Variants in UNC80 observed in about 807,000 individuals in gnomAD.
UNC80 encodes the protein unc-80 subunit of NALCN channel complex, also known as protein unc-80 homolog.
In UNC80, 164 loss-of-function variants were observed where a neutral mutation model predicts 384.6. The observed-to-expected ratio is 0.43, with a 90% CI of 0.38 to 0.49. The LOEUF (loss-of-function observed/expected upper bound fraction) is 0.49. UNC80 is among the 20% of genes least tolerant of loss of function. The pLI, the probability that UNC80 is intolerant of heterozygous loss-of-function variation, is 0.00. For synonymous variants in UNC80, 1,486 were observed against 1,527.8 expected, an observed-to-expected ratio of 0.97 and a Z score of 0.64; for missense variants, 3,330 against 4,143.0, an observed-to-expected ratio of 0.80 and a Z score of 5.39.
intron 7 of UNC80, chr2:209,809,678 A>G: frequency 3.7e-6 from 2 of 537,614 alleles, no homozygotes; most frequent in East Asian, 3.2e-5. Flanking sequence ...CCATGTCCTC[A>G]TGCCACAGAA....
chr2:209,945,805 A>G (rs10193560), intron 46 of UNC80, 42 bp from the exon 47 acceptor site: 55,426 of 1,400,574 alleles, frequency 0.04, 4,363 homozygotes, highest in African/African-American at 0.3. Context: ...ATCTCCTGCA[A>G]AATCCACTCT....
chr2:209,988,436 T>C (rs1362900948), intron 61 of UNC80, among the ~76,000 whole-genome samples: 1 of 152,220 alleles, frequency 6.6e-6, no homozygotes, highest in Non-Finnish European at 1.5e-5. Flanking sequence ...AAATGAGCGA[T>C]ATGAATTTTT....
At chr2:209,795,410 GA>G (rs1559103186) in intron 7 of UNC80, 1 of 152,242 alleles carries the variant, frequency 6.6e-6, no homozygotes, top group Non-Finnish European at 1.5e-5. Context: ...CAACAGAAAA[GA>G]AAAACCAATT....
chr2:209,891,639 G>T (rs1371584426), intron 26 of UNC80, among the ~76,000 whole-genome samples: 2 of 152,016 alleles, frequency 1.3e-5, no homozygotes, highest in African/African-American at 2.4e-5. Context: ...ACACTCAAAT[G>T]CTGAATATTT....
intron 37 of UNC80, 62 bp downstream of exon 37, chr2:209,930,033 A>G: frequency 6.6e-6 from 8 of 1,207,626 alleles, no homozygotes; most frequent in Non-Finnish European, 9.0e-6. Context: ...TGTTAAAATC[A>G]TGCAAAGAAC....
chr2:209,934,646 G>T (rs1166453492), intron 39 of UNC80, among the ~76,000 whole-genome samples: 1 of 152,314 alleles, frequency 6.6e-6, no homozygotes, highest in Admixed American at 6.5e-5. Flanking sequence ...AAAAAAGCCT[G>T]TGTTTAAATC....
chr2:209,900,233 T>C (rs910486283), intron 28 of UNC80, among the ~76,000 whole-genome samples: 1 of 152,212 alleles, frequency 6.6e-6, no homozygotes, highest in Non-Finnish European at 1.5e-5. Flanking sequence ...TCGCATTTTT[T>C]ACAGACTATA....
intron 23 of UNC80, among the ~76,000 whole-genome samples, chr2:209,876,362 A>G (rs1164868118): frequency 6.6e-6 from 1 of 152,204 alleles, no homozygotes; most frequent in Admixed American, 6.5e-5. Flanking sequence ...TTAAAACCTA[A>G]CAAATTACCT....
intron 26 of UNC80, among the ~76,000 whole-genome samples, chr2:209,890,964 C>A (rs2086270367): frequency 6.6e-6 from 1 of 152,194 alleles, no homozygotes; most frequent in Admixed American, 6.5e-5. Flanking sequence ...AATTCCATTA[C>A]CTTTCCATGT....
chr2:209,874,884 C>T (rs889200408), intron 23 of UNC80, among the ~76,000 whole-genome samples: 13 of 152,142 alleles, frequency 8.5e-5, no homozygotes, highest in African/African-American at 2.4e-4. Flanking sequence ...TTGCCACCTA[C>T]AACCCTTCTG....
intron 64 of UNC80, among the ~76,000 whole-genome samples, chr2:209,994,773 G>A (rs1175025318): frequency 1.3e-5 from 2 of 152,060 alleles, no homozygotes; most frequent in Non-Finnish European, 2.9e-5. Flanking sequence ...TTCAGATAAA[G>A]GATAGCTGAA....
intron 9 of UNC80, among the ~76,000 whole-genome samples, chr2:209,816,500 G>A (rs2153827513): frequency 2.0e-5 from 3 of 152,306 alleles, no homozygotes; most frequent in Middle Eastern, 3.4e-3. Flanking sequence ...CTCTAACCTT[G>A]TGATTTGCAA....
chr2:209,932,035 G>A (rs2090918672), intron 38 of UNC80, among the ~76,000 whole-genome samples: 1 of 152,068 alleles, frequency 6.6e-6, no homozygotes, highest in Non-Finnish European at 1.5e-5. Context: ...ATTTTATCTG[G>A]GTCCTTCATT....
intron 16 of UNC80, among the ~76,000 whole-genome samples, 160 bp from the exon 17 acceptor site, chr2:209,833,842 G>A (rs1405213328): frequency 6.6e-6 from 1 of 152,152 alleles, no homozygotes; most frequent in South Asian, 2.1e-4. Flanking sequence ...ACATTGTAGA[G>A]GGAGTATACC....
At chr2:209,797,498 C>T (rs773952008) in intron 7 of UNC80, among the ~76,000 whole-genome samples, 14 of 152,184 alleles carry the variant, frequency 9.2e-5, no homozygotes, top group Non-Finnish European at 1.3e-4. Flanking sequence ...GCAAAGCACA[C>T]GATCTCTTTC....
At chr2:209,784,463 C>T (rs1370772710) in intron 4 of UNC80, among the ~76,000 whole-genome samples, 2 of 151,830 alleles carry the variant, frequency 1.3e-5, no homozygotes, top group Non-Finnish European at 2.9e-5. Context: ...TTCTGCTTTT[C>T]TCACATTCAC....
Position 209,938,676 on chromosome 2 carries a change from G to GTCTCTCTC in UNC80, c.6466-768_6466-761dup, listed in dbSNP as rs10555565. 9.2e-3 allele frequency among the ~76,000 whole-genome samples: 1,270 copies of GTCTCTCTC among 137,372 alleles called. 9 individuals carry two copies. Among genetic ancestry groups the GTCTCTCTC allele is most frequent in the African/African-American group, 0.024 (870 of 36,834 alleles). The allele number at this position is 137,372 out of a possible 152,430, so 90.1% of individuals were successfully genotyped here. On this transcript the variant is annotated intron_variant, in intron 42 of 64. Coordinates refer to ENST00000673920, the MANE Select transcript of UNC80 (RefSeq NM_001371986.1). ...CAATAATGGTGCTTGCCTAGTCTCT[G>GTCTCTCTC]TCTCTCTCTCTCTCTCTCTCTCTCT...
intron 27 of UNC80, among the ~76,000 whole-genome samples, chr2:209,895,540 C>G (rs980637167): frequency 7.2e-5 from 11 of 151,970 alleles, no homozygotes; most frequent in African/African-American, 2.7e-4. Context: ...AAGTCTGAAG[C>G]TAGAGCATTA....
intron 38 of UNC80, among the ~76,000 whole-genome samples, chr2:209,933,397 A>G (rs1364670080): frequency 1.3e-5 from 2 of 152,096 alleles, no homozygotes; most frequent in African/African-American, 4.8e-5. Context: ...AAAAAAAAAG[A>G]AGACACACAA....
Sources: allele counts gnomAD v4.1 joint callset (sites outside exome capture counted in the v4.1 genomes callset), GRCh38; gene constraint gnomAD v4.1.1; transcripts MANE v1.5; gene names NCBI Gene and HGNC (gene_info 2026-07-23, HGNC 2026-07-21).